Variants in CDH4 observed in about 807,000 individuals in gnomAD.
The protein encoded by CDH4 is cadherin 4.
CDH4 carries 33 observed loss-of-function variants against 86.0 expected under a neutral mutation model. The observed-to-expected ratio is 0.38, with a 90% confidence interval of 0.29 to 0.51. The LOEUF is 0.51. Among genes scored for constraint, CDH4 ranks in the 20% least tolerant of loss-of-function variants. CDH4 has a pLI of 0.86. For synonymous variants in CDH4, 555 were observed against 549.4 expected (o/e 1.01, Z -0.14); for missense variants, 1,114 against 1,307.4 (o/e 0.85, Z 2.28).
At chr20:61,904,970 A>ACCT (rs1418050002) in intron 8 of CDH4, among the ~76,000 whole-genome samples, 3 of 152,136 alleles carry the variant, frequency 2.0e-5, no homozygotes, top group African/African-American at 7.2e-5. Flanking sequence ...GCGAATGGTG[A>ACCT]CCTTCCCCTG....
rs552650887 is a variant in CDH4, at chr20:61,594,707, A to T, written c.170-148856A>T. Among the ~76,000 whole-genome samples, 237 of 152,262 alleles carry T rather than the reference A, an allele frequency of 1.6e-3. 1 individual carries two copies. Among genetic ancestry groups the T allele is most frequent in the Non-Finnish European group, 2.8e-3 (190 of 68,012 alleles). ...TGTGCGTCTTTAAGAAAGGGCCTAG[A>T]CTTCCAGGTTAGGCAGTGAAGACGC... On this transcript the variant is annotated intron_variant, in intron 2 of 15. Coordinates refer to ENST00000614565, the MANE Select transcript of CDH4 (RefSeq NM_001794.5).
chr20:61,834,683 C>T (rs984498522), intron 4 of CDH4, among the ~76,000 whole-genome samples: 1 of 152,174 alleles, frequency 6.6e-6, no homozygotes, highest in African/African-American at 2.4e-5. Flanking sequence ...AGGGCGAACA[C>T]GCTGCGCTAC....
At chr20:61,496,049 A>G (rs928912533) in intron 2 of CDH4, among the ~76,000 whole-genome samples, 3 of 152,118 alleles carry the variant, frequency 2.0e-5, no homozygotes, top group African/African-American at 7.2e-5. Context: ...GAAAATTTTC[A>G]TACTTACAGA....
At chr20:61,511,129 G>A (rs1188318314) in intron 2 of CDH4, among the ~76,000 whole-genome samples, 2 of 152,192 alleles carry the variant, frequency 1.3e-5, no homozygotes, top group Non-Finnish European at 2.9e-5. Flanking sequence ...AGATTTGCTG[G>A]GGGCAAATAT....
chr20:61,839,704 T>C (rs1359981743), intron 4 of CDH4, among the ~76,000 whole-genome samples: 1 of 151,870 alleles, frequency 6.6e-6, no homozygotes, highest in Non-Finnish European at 1.5e-5. Flanking sequence ...TGTGTGTTTG[T>C]TTATGCGTTT....
intron 5 of CDH4, 69 bp downstream of exon 5, chr20:61,844,892 G>T: frequency 6.7e-7 from 1 of 1,498,576 alleles, no homozygotes; most frequent in African/African-American, 1.4e-5. Context: ...GGCCTTGGCA[G>T]GTGCCCCCAG....
At chr20:61,528,599 T>C (rs989163857) in intron 2 of CDH4, among the ~76,000 whole-genome samples, 1 of 150,156 alleles carries the variant, frequency 6.7e-6, no homozygotes, top group African/African-American at 2.5e-5. Context: ...AAAGACCCCA[T>C]CTCCACAAAA....
chr20:61,442,334 C>T (rs1379848322), intron 2 of CDH4, among the ~76,000 whole-genome samples: 1 of 152,228 alleles, frequency 6.6e-6, no homozygotes, highest in Non-Finnish European at 1.5e-5. Flanking sequence ...CCTCCGAATA[C>T]TCCACTTGCA....
intron 2 of CDH4, among the ~76,000 whole-genome samples, chr20:61,560,347 C>T (rs528463636): frequency 1.8e-4 from 27 of 152,308 alleles, no homozygotes; most frequent in African/African-American, 6.5e-4. Context: ...CTATGAAGAT[C>T]CTAGAGCCAA....
Position 61,852,761 on chromosome 20 carries a change from C to G in CDH4, c.740C>G (p.Ala247Gly). 1 of 1,611,402 alleles carries G rather than the reference C, an allele frequency of 6.2e-7. No homozygotes were observed. The highest frequency in any genetic ancestry group is 1.7e-4 in the Middle Eastern group (1 of 6,042). Reference sequence around the variant, plus strand: ...TCTCTGCTGCTTTTCCAGCTCCGAGCCCACGCTGTGGACATGAATGGCAAC... The same window carrying G: ...TCTCTGCTGCTTTTCCAGCTCCGAGGCCACGCTGTGGACATGAATGGCAAC... ...REEHASYHLR[A>G]HAVDMNGNKV... The change falls in exon 6 of 16, where the codon GCC (alanine) becomes GGC (glycine). Residue 247 changes from alanine (A) to glycine (G), a missense_variant. Physicochemically the swap from Ala to Gly is moderately conservative, Grantham distance 60 (BLOSUM62 0). Around this residue, in one of 3 missense-constraint regions of CDH4, gnomAD observed 705 missense variants for 914.1 expected, o/e 0.77. Transcript: ENST00000614565.
At chr20:61,509,047 A>C (rs1265987063) in intron 2 of CDH4, among the ~76,000 whole-genome samples, 1 of 152,056 alleles carries the variant, frequency 6.6e-6, no homozygotes, top group Non-Finnish European at 1.5e-5. Flanking sequence ...CGGTCTTTGG[A>C]GGAGGTGTGG....
chr20:61,797,203 G>A (rs1354586662), intron 4 of CDH4, among the ~76,000 whole-genome samples: 3 of 152,176 alleles, frequency 2.0e-5, no homozygotes, highest in South Asian at 4.1e-4. Flanking sequence ...ACTGCCCAAG[G>A]TGGGGAAGGG....
chr20:61,264,452 C>T (rs983525395), intron 2 of CDH4, among the ~76,000 whole-genome samples: 3 of 144,070 alleles, frequency 2.1e-5, no homozygotes, highest in African/African-American at 5.2e-5. Context: ...TCATTCAGTC[C>T]TACACATACC....
At chr20:61,407,030 C>T (rs1170760677) in intron 2 of CDH4, among the ~76,000 whole-genome samples, 1 of 151,804 alleles carries the variant, frequency 6.6e-6, no homozygotes, top group Non-Finnish European at 1.5e-5. Flanking sequence ...TCTGCCTGGA[C>T]CACCATCTGC....
At chr20:61,295,631 C>T (rs544821390) in intron 2 of CDH4, among the ~76,000 whole-genome samples, 23 of 152,286 alleles carry the variant, frequency 1.5e-4, no homozygotes, top group African/African-American at 4.3e-4. Context: ...TCATATTTCT[C>T]GGTGAGGAAA....
chr20:61,835,534 C>T (rs563479504), intron 4 of CDH4, among the ~76,000 whole-genome samples: 1 of 152,036 alleles, frequency 6.6e-6, no homozygotes, highest in South Asian at 2.1e-4. Context: ...GGACACCTCC[C>T]AGAAGACGGA....
chr20:61,397,503 T>C (rs79633646), intron 2 of CDH4, among the ~76,000 whole-genome samples: 3,835 of 152,246 alleles, frequency 0.025, 149 homozygotes, highest in African/African-American at 0.086. Flanking sequence ...TAGAATCACC[T>C]TGATACGCCG....
chr20:61,282,749 G>A (rs925284043), intron 2 of CDH4, among the ~76,000 whole-genome samples: 5 of 152,262 alleles, frequency 3.3e-5, no homozygotes, highest in African/African-American at 1.2e-4. Flanking sequence ...GCATGTAAAT[G>A]TGATGTGCTG....
chr20:61,933,504 A>G (rs569771532), intron 14 of CDH4, among the ~76,000 whole-genome samples: 1 of 152,316 alleles, frequency 6.6e-6, no homozygotes, highest in Non-Finnish European at 1.5e-5. Context: ...CCGGGAGGGT[A>G]GACTGTGAGA....
Sources: allele counts gnomAD v4.1 joint callset (sites outside exome capture counted in the v4.1 genomes callset), GRCh38; gene constraint gnomAD v4.1.1; regional missense constraint gnomAD v4.1.1; transcripts MANE v1.5; gene names NCBI Gene and HGNC (gene_info 2026-07-23, HGNC 2026-07-21).